HS3ST5: variants seen among roughly 807,000 people sequenced by gnomAD.
The protein encoded by HS3ST5 is heparan sulfate-glucosamine 3-sulfotransferase 5.
HS3ST5 carries 10 observed loss-of-function variants against 25.4 expected under a neutral mutation model. The ratio of observed to expected loss-of-function variants is 0.39; its 90% CI spans 0.24 to 0.67. The LOEUF (loss-of-function observed/expected upper bound fraction) is 0.67. Among genes scored for constraint, HS3ST5 ranks in the 30% least tolerant of loss-of-function variants. The probability of loss-of-function intolerance (pLI) is 0.44; values close to 1 mark genes in which losing one functional copy is unlikely to be tolerated. For synonymous variants in HS3ST5, 170 were observed against 162.4 expected (o/e 1.05, Z -0.36); for missense variants, 324 against 420.7 (o/e 0.77, Z 2.01).
At chr6:114,285,596 A>T (rs1774304333) in intron 1 of HS3ST5, among the ~76,000 whole-genome samples, 1 of 152,018 alleles carries the variant, frequency 6.6e-6, no homozygotes, top group Admixed American at 6.6e-5. Flanking sequence ...ATACTGCATG[A>T]TTCCACTCAT....
At chr6:114,085,946 A>T (rs1348044953) in intron 3 of HS3ST5, among the ~76,000 whole-genome samples, 2 of 61,562 alleles carry the variant, frequency 3.2e-5, no homozygotes, top group African/African-American at 1.2e-4. Flanking sequence ...CCCCCCCCCC[A>T]TTTAATCAGC....
intron 1 of HS3ST5, among the ~76,000 whole-genome samples, chr6:114,260,426 C>T (rs1024893127): frequency 5.9e-5 from 9 of 152,116 alleles, no homozygotes; most frequent in African/African-American, 1.7e-4. Flanking sequence ...TATAAGACTT[C>T]GTAAACAACT....
In HS3ST5 at chr6:114,171,681, G is replaced by C. The variant is rs961104532; in HGVS notation, c.-144-3219C>G. Among the ~76,000 whole-genome samples, 6 of 152,092 alleles carry C rather than the reference G, an allele frequency of 3.9e-5. 1 individual carries two copies. Among genetic ancestry groups the C allele is most frequent in the Admixed American group, 2.0e-4 (3 of 15,268 alleles). On this transcript the variant is annotated intron_variant, in intron 2 of 4. Coordinates refer to ENST00000312719, the MANE Select transcript of HS3ST5 (RefSeq NM_153612.4). ...AATACGTAATTCATACTTATAATTC[G>C]TAAGTTACGGAGGCAAGACTCAAAG...
intron 3 of HS3ST5, among the ~76,000 whole-genome samples, chr6:114,168,071 C>T (rs1019834831): frequency 6.6e-6 from 1 of 152,062 alleles, no homozygotes; most frequent in Non-Finnish European, 1.5e-5. Context: ...CAAAAAACAA[C>T]ACACGCAAAA....
At chr6:114,062,915 G>T in intron 3 of HS3ST5, 38 bp from the exon 4 acceptor site, 1 of 1,238,472 alleles carries the variant, frequency 8.1e-7, no homozygotes, top group Non-Finnish European at 1.2e-6. Flanking sequence ...ATCTCTTAGA[G>T]GCTCTGTTGG....
intron 2 of HS3ST5, among the ~76,000 whole-genome samples, chr6:114,207,752 T>A (rs1440751059): frequency 1.3e-5 from 2 of 152,300 alleles, no homozygotes; most frequent in African/African-American, 4.8e-5. Flanking sequence ...TATATTATAC[T>A]GTTGCTGTAT....
rs1200715810 is a variant in HS3ST5, at chr6:114,227,386, A to G, written c.-145+1199T>C. On this transcript the variant is annotated intron_variant, in intron 2 of 4. Transcript: ENST00000312719. The stretch of plus-strand genomic sequence containing the variant: ...ATCCAATAAAAGGATTTTGATTAAA[A>G]ACTTCAGCCTTCACTATAAAAATAA... Among the ~76,000 whole-genome samples, 6 of 151,826 alleles carry G rather than the reference A, an allele frequency of 4.0e-5. No individual in the cohort carries two copies. In the South Asian group the frequency reaches 1.2e-3, roughly 31 times the overall value.
intron 3 of HS3ST5, chr6:114,112,416 A>C (rs563285460): frequency 2.0e-5 from 3 of 152,394 alleles, no homozygotes; most frequent in Non-Finnish European, 2.9e-5. Flanking sequence ...TAGTGCCTCC[A>C]GAAGGAATGC....
At chr6:114,168,616 C>T (rs1562223739) in intron 2 of HS3ST5, among the ~76,000 whole-genome samples, 154 bp from the exon 3 acceptor site, 1 of 152,150 alleles carries the variant, frequency 6.6e-6, no homozygotes, top group African/African-American at 2.4e-5. Flanking sequence ...TCTTTTTTCA[C>T]AGTACTTCCA....
chr6:114,204,609 A>AT (rs1035073000), intron 2 of HS3ST5, among the ~76,000 whole-genome samples: 7 of 152,094 alleles, frequency 4.6e-5, no homozygotes, highest in Admixed American at 2.6e-4. Flanking sequence ...GTTTTAAAGT[A>AT]TTTTTTTGGG....
intron 1 of HS3ST5, among the ~76,000 whole-genome samples, chr6:114,315,866 A>G (rs1180009980): frequency 2.0e-5 from 3 of 152,184 alleles, no homozygotes; most frequent in Non-Finnish European, 2.9e-5. Flanking sequence ...ATCACCTTGC[A>G]GAGTGATATT....
intron 3 of HS3ST5, among the ~76,000 whole-genome samples, chr6:114,074,369 C>G (rs2114742267): frequency 6.6e-6 from 1 of 151,954 alleles, no homozygotes; most frequent in East Asian, 1.9e-4. Context: ...ACAAACCACA[C>G]CCCACTCCCC....
intron 2 of HS3ST5, among the ~76,000 whole-genome samples, chr6:114,216,664 C>G (rs1039477089): frequency 1.5e-4 from 21 of 138,074 alleles, no homozygotes; most frequent in African/African-American, 5.6e-4. Context: ...TGATGAACTT[C>G]TTATTCTGAC....
intron 1 of HS3ST5, among the ~76,000 whole-genome samples, chr6:114,280,105 G>T (rs1453359731): frequency 1.3e-5 from 2 of 151,790 alleles, no homozygotes; most frequent in African/African-American, 4.8e-5. Context: ...TGAAAAAAGT[G>T]AGAGTTTTCC....
At chr6:114,284,590 AC>A (rs1455085891) in intron 1 of HS3ST5, among the ~76,000 whole-genome samples, 1 of 151,986 alleles carries the variant, frequency 6.6e-6, no homozygotes, top group Non-Finnish European at 1.5e-5. Context: ...TGGATCTATG[AC>A]CATGGAACCC....
chr6:114,076,220 G>A (rs142893296), intron 3 of HS3ST5, among the ~76,000 whole-genome samples: 1 of 152,158 alleles, frequency 6.6e-6, no homozygotes, highest in African/African-American at 2.4e-5. Context: ...TTACCCTGCT[G>A]CTATGTGACT....
At chr6:114,183,603 G>A (rs1297626828) in intron 2 of HS3ST5, among the ~76,000 whole-genome samples, 2 of 152,168 alleles carry the variant, frequency 1.3e-5, no homozygotes, top group African/African-American at 4.8e-5. Context: ...GTACCAAGAA[G>A]TGAAGTGCTA....
At chr6:114,091,143 G>A (rs1775096248) in intron 3 of HS3ST5, among the ~76,000 whole-genome samples, 1 of 152,146 alleles carries the variant, frequency 6.6e-6, no homozygotes, top group African/African-American at 2.4e-5. Flanking sequence ...AACAAGCAGT[G>A]CCCCAGTGCC....
At chr6:114,092,224 C>A (rs7753692) in intron 3 of HS3ST5, among the ~76,000 whole-genome samples, 2,049 of 152,284 alleles carry the variant, frequency 0.013, 47 homozygotes, top group African/African-American at 0.048. Context: ...ATAACCCATG[C>A]CTACCTCTAG....
Sources: gnomAD v4.1 joint callset for allele counts (sites outside exome capture counted in the v4.1 genomes callset) on GRCh38, gnomAD v4.1.1 for gene constraint, MANE v1.5 for transcripts, NCBI Gene and HGNC (gene_info 2026-07-23, HGNC 2026-07-21) for gene names.